The following GNE variants were observed in gnomAD, a reference collection of about 807,000 sequenced individuals.
The protein encoded by GNE is bifunctional UDP-N-acetylglucosamine 2-epimerase/N-acetylmannosamine kinase.
In GNE, 41 loss-of-function variants were observed where a neutral mutation model predicts 61.8. That is an observed-to-expected ratio of 0.66 (90% CI 0.52 to 0.86). The LOEUF (loss-of-function observed/expected upper bound fraction) is 0.86. Among genes scored for constraint, GNE ranks in the 40% least tolerant of loss-of-function variants. The pLI is 0.00. For synonymous variants in GNE, 264 were observed against 326.4 expected, an observed-to-expected ratio of 0.81 and a Z score of 2.06; for missense variants, 608 against 909.1, an observed-to-expected ratio of 0.67 and a Z score of 4.26.
chr9:36,268,785 C>T (rs565775589), intron 1 of GNE, among the ~76,000 whole-genome samples: 9 of 152,056 alleles, frequency 5.9e-5, no homozygotes, highest in African/African-American at 4.8e-5. Context: ...TATTTCCCAA[C>T]GTAAGCTAAG....
rs771167726 is a variant in GNE at position 36,236,876 on chromosome 9, G to A, written c.725C>T (p.Ser242Leu). The change falls in exon 4 of 12, where the codon TCA becomes TTA. Residue 242 changes from serine to leucine, a missense_variant. Coordinates refer to ENST00000642385, the MANE Select transcript of GNE (RefSeq NM_005476.7). ...CAGGACTAGGGTCCGCTTGTTAAAT[G>A]AGATAAGTGCATCCAATGTTAATTC... is the stretch of plus-strand genomic sequence containing the variant. The part of the protein sequence containing the change: ...MFELTLDALI[S>L]FNKRTLVLFP... 11 of 1,613,568 alleles carry A rather than the reference G, an allele frequency of 6.8e-6. No individual in the cohort carries two copies. In the Admixed American group the frequency reaches 1.8e-4, roughly 27 times the overall value.
intron 1 of GNE, among the ~76,000 whole-genome samples, chr9:36,255,893 A>G (rs1830310604): frequency 1.3e-5 from 2 of 152,128 alleles, no homozygotes; most frequent in Non-Finnish European, 2.9e-5. Flanking sequence ...CTTCATCTTG[A>G]ACTCACTGGC....
At chr9:36,252,134 T>C (rs148704491) in intron 1 of GNE, among the ~76,000 whole-genome samples, 1,675 of 152,030 alleles carry the variant, frequency 0.011, 32 homozygotes, top group African/African-American at 0.037. Flanking sequence ...TACATGCATG[T>C]GCCACCATGC....
Position 36,218,556 on chromosome 9 carries a change from C to G in GNE, c.1817-257G>C, listed in dbSNP as rs1025427353. Reference sequence around the variant, plus strand: ...TGACGACAGCCTCCTACCCCTCTGGCTCCCTCACTTCTCACTTCCAGTAGC... The same window carrying G: ...TGACGACAGCCTCCTACCCCTCTGGGTCCCTCACTTCTCACTTCCAGTAGC... On this transcript the variant is annotated intron_variant, in intron 10 of 11. Transcript: ENST00000642385. This position sits in a 1 kb window ranked among gnomAD's most constrained non-coding sequence, Gnocchi z 4.1. Among the ~76,000 whole-genome samples, 1 of 152,260 alleles carries G rather than the reference C, an allele frequency of 6.6e-6. No individual in the cohort carries two copies. Among genetic ancestry groups the G allele is most frequent in the African/African-American group, 2.4e-5 (1 of 41,474 alleles).
chr9:36,247,499 A>G (rs2133119029), intron 2 of GNE, among the ~76,000 whole-genome samples: 1 of 152,240 alleles, frequency 6.6e-6, no homozygotes, highest in African/African-American at 2.4e-5. Flanking sequence ...TACTAGTCAA[A>G]TTTCCTATTT....
At chr9:36,219,778 C>T (rs1056794417) in intron 10 of GNE, 60 bp downstream of exon 10, 1 of 1,447,762 alleles carries the variant, frequency 6.9e-7, no homozygotes, top group Admixed American at 1.7e-5. Context: ...TTTGGAATTT[C>T]CACTTTGAAG....
At chr9:36,237,023 A>G in intron 3 of GNE, 39 bp from the exon 4 acceptor site, 1 of 1,533,270 alleles carries the variant, frequency 6.5e-7, no homozygotes. Flanking sequence ...TTCATTAGTT[A>G]AGAATCTTAA....
rs1554657436 is a variant in GNE at position 36,216,327 on chromosome 9, A to ATGTGTGTGAGTGTGTGTGTGTGTG, written c.*1037_*1038insCACACACACACACACTCACACACA. ...TTAGTTTGGGGTTAGAGGAGGAAGG[A>ATGTGTGTGAGTGTGTGTGTGTGTG]TGTGTGTGTGTGTGTGTGTGTGTGT... is the stretch of plus-strand genomic sequence containing the variant. On this transcript the variant is annotated 3_prime_UTR_variant, in exon 12 of 12. Coordinates refer to ENST00000642385, the MANE Select transcript of GNE (RefSeq NM_005476.7). 1 of 336,026 alleles carries ATGTGTGTGAGTGTGTGTGTGTGTG rather than the reference A, an allele frequency of 3.0e-6. No homozygotes were observed. Among genetic ancestry groups the ATGTGTGTGAGTGTGTGTGTGTGTG allele is most frequent in the South Asian group, 2.2e-5 (1 of 46,450 alleles). 20.8% of individuals were successfully genotyped at this position (336,026 alleles called of 1,614,324 possible).
intron 1 of GNE, chr9:36,265,305 C>T: frequency 2.3e-6 from 1 of 439,560 alleles, no homozygotes; most frequent in Non-Finnish European, 4.6e-6. Context: ...GCCAAGAACC[C>T]CAGGTCAGAG....
chr9:36,218,238 A>G lies in GNE; in HGVS notation c.1878T>C (p.His626=), dbSNP rs1357695014. Residue 626 remains histidine (H), a synonymous_variant, in exon 11 of 12, where the codon CAT becomes CAC. Coordinates refer to ENST00000642385, the MANE Select transcript of GNE (RefSeq NM_005476.7). The surrounding 1 kb of genome is among the most constrained non-coding windows in gnomAD (Gnocchi z 4.1). ...TGCCAAGTTTCGCAGCTTGGATGAGATGGAGCGCACCCACAGCCTCATCTT... is the reference window on the plus strand; with the variant it reads ...TGCCAAGTTTCGCAGCTTGGATGAGGTGGAGCGCACCCACAGCCTCATCTT... ...VPKDEAVGAL[H]LIQAAKLGNA... is the part of the protein sequence containing the mutation. 3 of 1,613,914 alleles carry G rather than the reference A, an allele frequency of 1.9e-6. No homozygotes were observed. The Admixed American group carries it at 5.0e-5, about 27-fold the overall frequency.
rs113316798 is a variant in GNE, at chr9:36,216,640, G to GATTATTATTATTATTATTATT, written c.*704_*724dup. 7.6e-6 allele frequency: 1 copy of GATTATTATTATTATTATTATT among 131,558 alleles called. No individual in the cohort carries two copies. Among genetic ancestry groups the GATTATTATTATTATTATTATT allele is most frequent in the African/African-American group, 2.9e-5 (1 of 34,446 alleles). 8.1% of individuals were successfully genotyped at this position (131,558 alleles called of 1,614,324 possible). On this transcript the variant is annotated 3_prime_UTR_variant, in exon 12 of 12. Coordinates refer to ENST00000642385, the MANE Select transcript of GNE (RefSeq NM_005476.7). ...GTGAGCCACTGCGCCCAGCTGGAAG[G>GATTATTATTATTATTATTATT]ATTATTATTATTATTATTATTATTA...
chr9:36,244,390 CAACT>C (rs1332057326), intron 3 of GNE, among the ~76,000 whole-genome samples: 2 of 152,198 alleles, frequency 1.3e-5, no homozygotes, highest in Non-Finnish European at 2.9e-5. Flanking sequence ...ATAAATTAAC[CAACT>C]GACATTCTGT....
At chr9:36,230,171 G>A (rs954287576) in intron 5 of GNE, among the ~76,000 whole-genome samples, 2 of 152,162 alleles carry the variant, frequency 1.3e-5, no homozygotes, top group Admixed American at 1.3e-4. Context: ...TTGAACTCCT[G>A]ACCTCAAGTG....
At chr9:36,251,794 T>G (rs371941339) in intron 1 of GNE, among the ~76,000 whole-genome samples, 1 of 152,092 alleles carries the variant, frequency 6.6e-6, no homozygotes, top group Non-Finnish European at 1.5e-5. Flanking sequence ...TCAGTAGCCC[T>G]CTGCTGTTGG....
At position 36,217,488 on chromosome 9, in the gene GNE, G is replaced by A. The variant is rs1346726727; in HGVS notation, c.2046C>T (p.Val682=). ...ASHYIHIVKD[V]IRQQALSSVQ... ...CGGAGGACAAGGCCTGCTGGCGAATGACGTCTTTGACAATGTGGATATAGT... is the reference window on the plus strand; with the variant it reads ...CGGAGGACAAGGCCTGCTGGCGAATAACGTCTTTGACAATGTGGATATAGT... The change falls in exon 12 of 12, where the codon GTC becomes GTT. Residue 682 remains valine, a synonymous_variant. Transcript: ENST00000642385. 6.2e-6 allele frequency: 10 copies of A among 1,613,954 alleles called. No individual in the cohort carries two copies. In the South Asian group the frequency reaches 1.1e-4, roughly 18 times the overall value.
intron 1 of GNE, among the ~76,000 whole-genome samples, chr9:36,266,896 C>T (rs1309414978): frequency 6.6e-6 from 1 of 150,548 alleles, no homozygotes; most frequent in Non-Finnish European, 1.5e-5. Context: ...AAGACTCCGT[C>T]TCAAAAAAAA....
At chr9:36,265,162 G>A (rs10117275) in intron 1 of GNE, 217,836 of 291,926 alleles carry the variant, frequency 0.75, 82,661 homozygotes, top group Non-Finnish European at 0.8. Context: ...TGCACGGCAA[G>A]TGCCTGGGTT....
chr9:36,261,959 A>G (rs1830632292), upstream of GNE, among the ~76,000 whole-genome samples: 1 of 151,778 alleles, frequency 6.6e-6, no homozygotes, highest in Non-Finnish European at 1.5e-5. Context: ...TGAAGTCAAG[A>G]TGGGTATGTT....
At chr9:36,257,802 C>CAAAA (rs60845805) in intron 1 of GNE, among the ~76,000 whole-genome samples, 340 of 25,238 alleles carry the variant, frequency 0.013, 59 homozygotes, top group Non-Finnish European at 0.015. Flanking sequence ...GACTCAGTCT[C>CAAAA]AAAAAAAAAA....
Sources: allele counts gnomAD v4.1 joint callset (sites outside exome capture counted in the v4.1 genomes callset), GRCh38; gene constraint gnomAD v4.1.1; non-coding constraint Gnocchi (gnomAD v3.1); transcripts MANE v1.5; gene names NCBI Gene and HGNC (gene_info 2026-07-23, HGNC 2026-07-21).